The following TNFRSF8 variants were observed in gnomAD, a reference collection of about 807,000 sequenced individuals.
TNFRSF8 encodes the protein tumor necrosis factor receptor superfamily member 8.
A neutral mutation model predicts 70.8 loss-of-function variants in TNFRSF8; 26 were observed. That is an observed-to-expected ratio of 0.37 (90% CI 0.27 to 0.51). The LOEUF (loss-of-function observed/expected upper bound fraction) is 0.51, where lower values mean the gene tolerates loss of function less well. Among genes scored for constraint, TNFRSF8 ranks in the 20% least tolerant of loss-of-function variants. The pLI, the probability that TNFRSF8 is intolerant of heterozygous loss-of-function variation, is 0.94. For missense variants in TNFRSF8, 720 were observed against 807.9 expected, an observed-to-expected ratio of 0.89 and a Z score of 1.32; for synonymous variants, 356 against 339.2, an observed-to-expected ratio of 1.05 and a Z score of -0.54.
chr1:12,135,084 G>A (rs1266819180), intron 12 of TNFRSF8, among the ~76,000 whole-genome samples: 1 of 152,098 alleles, frequency 6.6e-6, no homozygotes, highest in East Asian at 1.9e-4. Context: ...GCAAGGCCAA[G>A]GCGGGCAGGT....
Position 12,142,240 on chromosome 1 carries a change from G to T in TNFRSF8, c.1544-47G>T. On this transcript the variant is annotated intron_variant, in intron 14 of 14. Transcript: ENST00000263932. The surrounding 1 kb of genome is among the most constrained non-coding windows in gnomAD (Gnocchi z 5.0). ...TTCTCTGCCTCTTTGCTCCCATCCT[G>T]GCTGGTGCTCTGGCCTCCCTCGCTC... 6.6e-7 allele frequency: 1 copy of T among 1,516,974 alleles called. No homozygotes were observed. Among genetic ancestry groups the T allele is most frequent in the Non-Finnish European group, 8.9e-7 (1 of 1,126,848 alleles). The allele number at this position is 1,516,974 out of a possible 1,614,324, so 94.0% of individuals were successfully genotyped here. A position where few individuals can be genotyped will look rare whatever the true frequency, so the allele number is the denominator to read the frequency against.
At position 12,097,795 on chromosome 1, in the gene TNFRSF8, T is replaced by A. The variant is rs11569838; in HGVS notation, c.268+578T>A. ...TTGTTGAGATCTTTTTGTGGTCTAA[T>A]AAATAATAAATGATCATGTATTTTC... On this transcript the variant is annotated intron_variant, in intron 3 of 14. Coordinates refer to ENST00000263932, the MANE Select transcript of TNFRSF8 (RefSeq NM_001243.5). Among the ~76,000 whole-genome samples the A allele has an allele frequency of 4.8e-3, 733 of 152,292 alleles. 4 individuals carry two copies. The highest frequency in any genetic ancestry group is 8.5e-3 in the Non-Finnish European group (579 of 68,012).
At chr1:12,096,424 T>TA (rs34433681) in intron 2 of TNFRSF8, among the ~76,000 whole-genome samples, 28,160 of 134,932 alleles carry the variant, frequency 0.21, 3,122 homozygotes, top group Admixed American at 0.29. Context: ...GCTGATGAGC[T>TA]AAAAAAAAAA....
rs1642284922 is a variant in TNFRSF8, at chr1:12,142,962, C to T, written c.*431C>T. 1 of 162,738 alleles carries T rather than the reference C, an allele frequency of 6.1e-6. No individual in the cohort carries two copies. Among genetic ancestry groups the T allele is most frequent in the Admixed American group, 6.2e-5 (1 of 16,008 alleles). 10.1% of individuals were successfully genotyped at this position (162,738 alleles called of 1,614,324 possible). ...ACCCTACTCTCCTCTCTCCCTGGACCTCAGAGGTGACACCCATTGGGCCCT... is the reference window on the plus strand; with the variant it reads ...ACCCTACTCTCCTCTCTCCCTGGACTTCAGAGGTGACACCCATTGGGCCCT... On this transcript the variant is annotated 3_prime_UTR_variant, in exon 15 of 15. Coordinates refer to ENST00000263932, the MANE Select transcript of TNFRSF8 (RefSeq NM_001243.5). The surrounding 1 kb of genome is among the most constrained non-coding windows in gnomAD (Gnocchi z 5.0).
chr1:12,112,150 T>A lies in TNFRSF8; in HGVS notation c.793+136T>A, dbSNP rs1641645243. On this transcript the variant is annotated intron_variant, in intron 7 of 14. Coordinates refer to ENST00000263932, the MANE Select transcript of TNFRSF8 (RefSeq NM_001243.5). The surrounding 1 kb of genome is among the most constrained non-coding windows in gnomAD (Gnocchi z 5.3). ...TCTTTTCAGAGGGCTTCCATTGGCA[T>A]ATTATTTCCTTCCAGGAAGCGTTTG... 3.3e-6 allele frequency: 2 copies of A among 612,768 alleles called. No homozygotes were observed. Among genetic ancestry groups the A allele is most frequent in the East Asian group, 2.9e-5 (1 of 35,034 alleles). The allele number at this position is 612,768 out of a possible 1,614,324, so 38.0% of individuals were successfully genotyped here.
intron 4 of TNFRSF8, among the ~76,000 whole-genome samples, chr1:12,107,876 A>G (rs765662130): frequency 3.5e-4 from 54 of 152,266 alleles, no homozygotes; most frequent in Admixed American, 1.4e-3. Context: ...TCCATAAGAC[A>G]GACAGTATTA....
chr1:12,074,477 G>A (rs989671915), intron 1 of TNFRSF8, among the ~76,000 whole-genome samples: 3 of 151,706 alleles, frequency 2.0e-5, no homozygotes, highest in Non-Finnish European at 1.5e-5. Flanking sequence ...AGGGGGTTTC[G>A]CTGTATTGGC....
Position 12,116,800 on chromosome 1 carries a change from A to C in TNFRSF8, c.946+1071A>C, listed in dbSNP as rs1350651886. ...GGGCAACAGGGCGAAACTCTGCCTA[A>C]AAAAGAAAAAAAACCAAGTGGAGGG... On this transcript the variant is annotated intron_variant, in intron 8 of 14. Transcript: ENST00000263932. 2.6e-5 allele frequency among the ~76,000 whole-genome samples: 4 copies of C among 152,026 alleles called. No homozygotes were observed. In the East Asian group the frequency reaches 5.8e-4, roughly 22 times the overall value.
chr1:12,104,577 C>G (rs1165649686), intron 4 of TNFRSF8, 46 bp downstream of exon 4: 1 of 1,609,648 alleles, frequency 6.2e-7, no homozygotes, highest in South Asian at 1.1e-5. Context: ...TATGCTGTTG[C>G]TGCTGCACCT....
chr1:12,118,258 G>GCA (rs1553157460), intron 8 of TNFRSF8, among the ~76,000 whole-genome samples: 7 of 152,028 alleles, frequency 4.6e-5, no homozygotes, highest in Non-Finnish European at 1.5e-5. Flanking sequence ...TTACAGGCGT[G>GCA]CACCACCACA....
chr1:12,121,443 G>A (rs190694390), intron 8 of TNFRSF8, among the ~76,000 whole-genome samples: 2 of 152,270 alleles, frequency 1.3e-5, no homozygotes, highest in African/African-American at 2.4e-5. Flanking sequence ...GTGGAGAGGT[G>A]TAGTGACTGA....
At chr1:12,085,682 C>T (rs543982084) in intron 2 of TNFRSF8, among the ~76,000 whole-genome samples, 6 of 152,342 alleles carry the variant, frequency 3.9e-5, no homozygotes, top group East Asian at 3.9e-4. Flanking sequence ...CCCCCAGCAC[C>T]GTGATTGACT....
At chr1:12,071,570 C>A (rs540918673) in intron 1 of TNFRSF8, among the ~76,000 whole-genome samples, 1 of 152,254 alleles carries the variant, frequency 6.6e-6, no homozygotes, top group Admixed American at 6.5e-5. Context: ...CCCTGCATCA[C>A]TCTGAACTCT....
intron 2 of TNFRSF8, among the ~76,000 whole-genome samples, chr1:12,086,915 T>C (rs1426755870): frequency 6.6e-6 from 1 of 152,102 alleles, no homozygotes. Flanking sequence ...ACAGTCACAC[T>C]GGGGTTAGGG....
intron 1 of TNFRSF8, among the ~76,000 whole-genome samples, chr1:12,073,537 C>T (rs1640884512): frequency 6.6e-6 from 1 of 150,752 alleles, no homozygotes; most frequent in South Asian, 2.1e-4. Flanking sequence ...CCTTTCCGTT[C>T]CTTTCCCTTT....
intron 2 of TNFRSF8, among the ~76,000 whole-genome samples, chr1:12,091,887 T>C (rs748963959): frequency 2.6e-5 from 4 of 152,158 alleles, no homozygotes; most frequent in Non-Finnish European, 2.9e-5. Flanking sequence ...GCAACCTAGA[T>C]CCCTTGCACG....
chr1:12,114,490 A>C (rs1294473163), intron 7 of TNFRSF8, among the ~76,000 whole-genome samples: 1 of 151,994 alleles, frequency 6.6e-6, no homozygotes, highest in Non-Finnish European at 1.5e-5. Context: ...TATCATTATC[A>C]TGCTGGGTCT....
intron 1 of TNFRSF8, among the ~76,000 whole-genome samples, chr1:12,070,499 C>T (rs1003535328): frequency 3.2e-4 from 48 of 152,224 alleles, no homozygotes; most frequent in African/African-American, 1.0e-3. Flanking sequence ...GTGATCTGCC[C>T]GCCTATGTAG....
chr1:12,064,004 G>C (rs1459787763), intron 1 of TNFRSF8, among the ~76,000 whole-genome samples: 1 of 152,216 alleles, frequency 6.6e-6, no homozygotes, highest in Non-Finnish European at 1.5e-5. Context: ...AGGTGAGGCC[G>C]TGGGAGTAGT....
Sources: gnomAD v4.1 joint callset for allele counts (sites outside exome capture counted in the v4.1 genomes callset) on GRCh38, gnomAD v4.1.1 for gene constraint, Gnocchi (gnomAD v3.1) non-coding constraint, MANE v1.5 for transcripts, NCBI Gene and HGNC (gene_info 2026-07-23, HGNC 2026-07-21) for gene names.